The following DNAH3 variants were observed in gnomAD, a reference collection of about 807,000 sequenced individuals.
DNAH3 encodes axonemal beta dynein heavy chain 3.
Under a neutral mutation model 432.5 loss-of-function variants are expected in DNAH3, and 332 were observed. The ratio of observed to expected loss-of-function variants is 0.77; its 90% CI spans 0.70 to 0.84. DNAH3 has a LOEUF of 0.84. Ranked by LOEUF, DNAH3 falls within the 40% of genes least tolerant of loss-of-function variation. DNAH3 has a pLI of 0.00. For missense variants in DNAH3, 4,861 were observed against 5,114.0 expected (o/e 0.95, Z 1.51); for synonymous variants, 1,956 against 1,900.2 (o/e 1.03, Z -0.76).
intron 16 of DNAH3, among the ~76,000 whole-genome samples, chr16:21,099,502 C>T (rs1331342164): frequency 6.6e-6 from 1 of 152,160 alleles, no homozygotes; most frequent in Non-Finnish European, 1.5e-5. Context: ...AAGCAGGTCT[C>T]AATGAGAACT....
chr16:21,063,284 T>G (rs1487477834), intron 24 of DNAH3, among the ~76,000 whole-genome samples: 1 of 152,082 alleles, frequency 6.6e-6, no homozygotes, highest in East Asian at 1.9e-4. Context: ...TGTATTTTTT[T>G]AAATTTCAGG....
At chr16:21,134,136 T>A (rs74724528) in intron 7 of DNAH3, 123 bp downstream of exon 8, 1 of 969,950 alleles carries the variant, frequency 1.0e-6, no homozygotes, top group Non-Finnish European at 1.5e-6. Flanking sequence ...TTGGCCTAGA[T>A]TTTTTTTTCT....
At chr16:20,959,655 ACC>A (rs1555509963) in intron 53 of DNAH3, among the ~76,000 whole-genome samples, 4 of 138,282 alleles carry the variant, frequency 2.9e-5, no homozygotes, top group South Asian at 4.9e-4. Context: ...ACACACACAC[ACC>A]CCAACACAAA....
At chr16:21,120,796 A>G (rs200748642) in exon 11 of DNAH3, 1 of 1,614,110 alleles carries the variant, frequency 6.2e-7, no homozygotes, top group East Asian at 2.2e-5. Context: ...AGCTGCTTTC[A>G]CACATTGCCG....
At chr16:21,028,133 T>C (rs1407809520) in intron 37 of DNAH3, among the ~76,000 whole-genome samples, 4 of 152,192 alleles carry the variant, frequency 2.6e-5, no homozygotes, top group Non-Finnish European at 5.9e-5. Context: ...ATTACAGGTG[T>C]GTACCTTCAC....
chr16:21,027,911 A>G (rs1597179599), intron 37 of DNAH3, among the ~76,000 whole-genome samples: 1 of 152,246 alleles, frequency 6.6e-6, no homozygotes, highest in East Asian at 1.9e-4. Context: ...CTTTCACAAA[A>G]GACCCATATT....
At chr16:20,974,980 G>C (rs995009188) in intron 51 of DNAH3, among the ~76,000 whole-genome samples, 1 of 135,796 alleles carries the variant, frequency 7.4e-6, no homozygotes, top group African/African-American at 2.8e-5. Context: ...CACCACACCT[G>C]GCTAGTTTTT....
intron 55 of DNAH3, among the ~76,000 whole-genome samples, chr16:20,953,940 C>T (rs116289534): frequency 0.016 from 2,451 of 152,092 alleles, 64 homozygotes; most frequent in African/African-American, 0.056. Context: ...GCGTAATGTC[C>T]TCTAATGTCC....
At chr16:21,000,280 C>G in exon 43 of DNAH3, 1 of 1,614,086 alleles carries the variant, frequency 6.2e-7, no homozygotes, top group Admixed American at 1.7e-5. Context: ...CTTCCGTCGT[C>G]GATCCAGCTT....
At chr16:21,098,733 G>A in exon 17 of DNAH3, 1 of 1,613,446 alleles carries the variant, frequency 6.2e-7, no homozygotes, top group South Asian at 1.1e-5. Context: ...CCAGTTCTCT[G>A]TGGTAGCCCT....
exon 53 of DNAH3, chr16:20,963,666 G>A: frequency 3.1e-6 from 5 of 1,614,028 alleles, no homozygotes; most frequent in South Asian, 1.1e-5. Context: ...GATTGGGGTA[G>A]GGGTTATCCA....
intron 36 of DNAH3, among the ~76,000 whole-genome samples, chr16:21,032,770 GC>G (rs1213893821): frequency 6.6e-6 from 1 of 152,058 alleles, no homozygotes; most frequent in Admixed American, 6.6e-5. Flanking sequence ...CCGAGACTGT[GC>G]CACTGCACTA....
chr16:21,013,369 A>G (rs776264499), intron 41 of DNAH3, among the ~76,000 whole-genome samples: 1 of 152,110 alleles, frequency 6.6e-6, no homozygotes, highest in Non-Finnish European at 1.5e-5. Flanking sequence ...TGTTAAAAAA[A>G]AAAAATTGAT....
At chr16:20,989,983 C>G (rs1231337522) in intron 44 of DNAH3, among the ~76,000 whole-genome samples, 2 of 152,216 alleles carry the variant, frequency 1.3e-5, no homozygotes, top group Non-Finnish European at 2.9e-5. Context: ...AGCTGGCCTG[C>G]AAGCGCCGCG....
chr16:21,115,200 C>T (rs577490593), intron 12 of DNAH3, among the ~76,000 whole-genome samples: 3 of 151,982 alleles, frequency 2.0e-5, no homozygotes, highest in African/African-American at 7.2e-5. Flanking sequence ...AATGAGAACA[C>T]TTGGACACAG....
chr16:20,933,486 T>G, exon 62 of DNAH3: 1 of 1,599,662 alleles, frequency 6.3e-7, no homozygotes, highest in Non-Finnish European at 8.5e-7. Flanking sequence ...TTATTCTCCA[T>G]CACTGTTTCT....
At chr16:21,059,343 T>C (rs2090257838) in intron 26 of DNAH3, among the ~76,000 whole-genome samples, 1 of 152,158 alleles carries the variant, frequency 6.6e-6, no homozygotes, top group South Asian at 2.1e-4. Context: ...GAGCATGTCA[T>C]AGGAAAAGGG....
chr16:21,094,615 G>A (rs2091627221), intron 18 of DNAH3, among the ~76,000 whole-genome samples: 1 of 145,756 alleles, frequency 6.9e-6, no homozygotes, highest in African/African-American at 2.5e-5. Flanking sequence ...AGGCTGCAGT[G>A]AGCCGAGATC....
chr16:20,979,534 C>T, exon 50 of DNAH3: 3 of 1,614,078 alleles, frequency 1.9e-6, no homozygotes, highest in Admixed American at 1.7e-5. Flanking sequence ...AATATTTGCA[C>T]ATGGACACGA....
Sources: gnomAD v4.1 joint callset for allele counts (sites outside exome capture counted in the v4.1 genomes callset) on GRCh38, gnomAD v4.1.1 for gene constraint, MANE v1.5 for transcripts, NCBI Gene and HGNC (gene_info 2026-07-23, HGNC 2026-07-21) for gene names.